Variants in NAV3 observed in about 807,000 individuals in gnomAD.
NAV3 encodes neuron navigator 3.
Under a neutral mutation model 244.7 loss-of-function variants are expected in NAV3, and 87 were observed. The ratio of observed to expected loss-of-function variants is 0.36; its 90% CI spans 0.30 to 0.42. NAV3 has a LOEUF of 0.42. Among genes scored for constraint, NAV3 ranks in the 20% least tolerant of loss-of-function variants. The probability of loss-of-function intolerance (pLI) is 1.00; values close to 1 mark genes in which losing one functional copy is unlikely to be tolerated. For missense variants in NAV3, 2,663 were observed against 2,893.3 expected (o/e 0.92, Z 1.83); for synonymous variants, 1,126 against 1,042.2 (o/e 1.08, Z -1.55).
Position 78,122,188 on chromosome 12 carries a change from C to T in NAV3, c.3998C>T (p.Pro1333Leu), listed in dbSNP as rs1182786175. 1 of 1,614,022 alleles carries T rather than the reference C, an allele frequency of 6.2e-7. No homozygotes were observed. Among genetic ancestry groups the T allele is most frequent in the Non-Finnish European group, 8.5e-7 (1 of 1,180,032 alleles). Reference sequence around the variant, plus strand: ...TTAAGTCACTCGTTGGCCTCCAGCCCAGCATCGGTTCACTCTTTCACATCA... The same window carrying T: ...TTAAGTCACTCGTTGGCCTCCAGCCTAGCATCGGTTCACTCTTTCACATCA... ...ISLSHSLASS[P>L]ASVHSFTSGG... Residue 1333 changes from proline to leucine, a missense_variant, in exon 16 of 40, where the codon CCA (proline) becomes CTA (leucine). By Grantham distance (98) the Pro-to-Leu change is moderately conservative (BLOSUM62 -3). Around this residue, in one of 6 missense-constraint regions of NAV3, gnomAD observed 354 missense variants for 413.0 expected, o/e 0.86. Coordinates refer to ENST00000397909, the MANE Select transcript of NAV3 (RefSeq NM_001024383.2).
intron 2 of NAV3, among the ~76,000 whole-genome samples, chr12:77,796,282 C>A (rs1404885180): frequency 6.6e-6 from 1 of 152,018 alleles, no homozygotes; most frequent in African/African-American, 2.4e-5. Flanking sequence ...TTGGGGGTTT[C>A]AAGACTTCAG....
chr12:78,040,806 TGA>T (rs1264828000), intron 9 of NAV3, among the ~76,000 whole-genome samples: 1 of 152,198 alleles, frequency 6.6e-6, no homozygotes, highest in Non-Finnish European at 1.5e-5. Flanking sequence ...AATAACTGTA[TGA>T]AATCTTTCAT....
At chr12:77,682,542 T>C (rs1012509356) in intron 2 of NAV3, among the ~76,000 whole-genome samples, 3 of 152,184 alleles carry the variant, frequency 2.0e-5, no homozygotes, top group East Asian at 1.9e-4. Context: ...CTGGATCATA[T>C]AGTAGTTCTA....
chr12:77,789,896 G>C (rs1191599505), intron 2 of NAV3, among the ~76,000 whole-genome samples: 2 of 151,022 alleles, frequency 1.3e-5, no homozygotes, highest in African/African-American at 4.9e-5. Context: ...TTTTAAGAGA[G>C]CTTACGAATT....
At chr12:77,914,750 C>T (rs1038547561) in intron 1 of NAV3, among the ~76,000 whole-genome samples, 1 of 151,360 alleles carries the variant, frequency 6.6e-6, no homozygotes, top group African/African-American at 2.4e-5. Context: ...TTTCAGATTT[C>T]TGTTTTGATT....
intron 2 of NAV3, among the ~76,000 whole-genome samples, chr12:77,753,550 A>G (rs1362885939): frequency 6.6e-6 from 1 of 152,136 alleles, no homozygotes; most frequent in African/African-American, 2.4e-5. Context: ...GTCTACATCT[A>G]CTGCTGATTT....
chr12:78,093,050 G>A (rs1015206525), intron 12 of NAV3, among the ~76,000 whole-genome samples: 1 of 152,138 alleles, frequency 6.6e-6, no homozygotes, highest in Non-Finnish European at 1.5e-5. Flanking sequence ...TACAGATTTT[G>A]CTCTGTTCAT....
intron 2 of NAV3, among the ~76,000 whole-genome samples, chr12:77,817,094 T>C (rs1476946155): frequency 6.6e-6 from 1 of 152,214 alleles, no homozygotes; most frequent in African/African-American, 2.4e-5. Context: ...TTCTATCTTC[T>C]GGTGGATATC....
chr12:77,799,996 A>G (rs553798805), intron 2 of NAV3, among the ~76,000 whole-genome samples: 1 of 152,326 alleles, frequency 6.6e-6, no homozygotes, highest in South Asian at 2.1e-4. Context: ...AATTAGATCA[A>G]TGTCCTAAAA....
chr12:77,639,045 A>G (rs1183916487), intron 2 of NAV3, among the ~76,000 whole-genome samples: 1 of 152,144 alleles, frequency 6.6e-6, no homozygotes, highest in Admixed American at 6.6e-5. Context: ...CACGTTGACA[A>G]TTAGAGATGG....
At chr12:77,749,628 A>G (rs910796029) in intron 2 of NAV3, among the ~76,000 whole-genome samples, 1 of 152,164 alleles carries the variant, frequency 6.6e-6, no homozygotes, top group Non-Finnish European at 1.5e-5. Flanking sequence ...TTTAATGTCT[A>G]TAAGTTTAAT....
chr12:78,000,976 TAAA>T (rs58014765), intron 7 of NAV3, among the ~76,000 whole-genome samples: 19 of 141,232 alleles, frequency 1.3e-4, no homozygotes, highest in East Asian at 2.2e-4. Flanking sequence ...AGACTGGGTC[TAAA>T]AAAAAAAAAA....
intron 2 of NAV3, among the ~76,000 whole-genome samples, chr12:77,660,307 A>T (rs770006260): frequency 9.9e-5 from 15 of 152,100 alleles, no homozygotes; most frequent in Non-Finnish European, 2.1e-4. Flanking sequence ...TCTTGTTCCT[A>T]TTTTCCCATT....
At chr12:78,127,111 G>T in intron 16 of NAV3, 56 bp from the exon 17 acceptor site, 1 of 1,568,664 alleles carries the variant, frequency 6.4e-7, no homozygotes, top group South Asian at 1.1e-5. Context: ...TGTTGGATGT[G>T]TAATTTGGAA....
intron 9 of NAV3, among the ~76,000 whole-genome samples, chr12:78,024,479 C>T (rs146685936): frequency 0.012 from 1,771 of 152,248 alleles, 26 homozygotes; most frequent in South Asian, 0.051. Flanking sequence ...TGGATATGTA[C>T]TTCACTTAAA....
At chr12:77,671,310 C>A (rs1565764525) in intron 2 of NAV3, among the ~76,000 whole-genome samples, 2 of 151,656 alleles carry the variant, frequency 1.3e-5, no homozygotes, top group East Asian at 1.9e-4. Context: ...ATAGATGACA[C>A]AAACAAATTG....
At position 77,835,134 on chromosome 12, in the gene NAV3, A is replaced by G. The variant is rs142895014; in HGVS notation, c.243+3430A>G. 2.7e-3 allele frequency among the ~76,000 whole-genome samples: 410 copies of G among 152,272 alleles called. 1 individual carries two copies. The highest frequency in any genetic ancestry group is 9.3e-3 in the African/African-American group (387 of 41,562). On this transcript the variant is annotated intron_variant, in intron 1 of 39. Transcript: ENST00000397909. ...TTGCCATCATCGATTTGTGGCTCAC[A>G]CCTCATAGTCTTGAGTAGATAATTG... is the stretch of plus-strand genomic sequence containing the variant.
At chr12:77,997,582 A>T (rs569664933) in intron 6 of NAV3, among the ~76,000 whole-genome samples, 3 of 152,230 alleles carry the variant, frequency 2.0e-5, no homozygotes, top group Admixed American at 6.5e-5. Flanking sequence ...TTGTCACTAC[A>T]TGTAAGCATA....
intron 35 of NAV3, 102 bp from the exon 36 acceptor site, chr12:78,198,503 T>A (rs1959232645): frequency 1.6e-6 from 1 of 606,272 alleles, no homozygotes; most frequent in East Asian, 3.3e-5. Flanking sequence ...AATATTGAAA[T>A]GGAATAATCC....
Sources: allele counts gnomAD v4.1 joint callset (sites outside exome capture counted in the v4.1 genomes callset), GRCh38; gene constraint gnomAD v4.1.1; regional missense constraint gnomAD v4.1.1; transcripts MANE v1.5; gene names NCBI Gene and HGNC (gene_info 2026-07-23, HGNC 2026-07-21).